Variants in KIAA0930 observed in about 807,000 individuals in gnomAD.
The protein encoded by KIAA0930 is uncharacterized protein KIAA0930.
KIAA0930 carries 24 observed loss-of-function variants against 43.9 expected under a neutral mutation model. That is an observed-to-expected ratio of 0.55 (90% CI 0.40 to 0.77). The LOEUF (loss-of-function observed/expected upper bound fraction) is 0.77, where lower values mean the gene tolerates loss of function less well. Ranked by LOEUF, KIAA0930 falls within the 30% of genes least tolerant of loss-of-function variation. The pLI is 0.00. For missense variants in KIAA0930, 461 were observed against 574.2 expected, an observed-to-expected ratio of 0.80 and a Z score of 2.02; for synonymous variants, 259 against 216.4, an observed-to-expected ratio of 1.20 and a Z score of -1.73.
intron 1 of KIAA0930, chr22:45,212,480 G>C (rs76360173): frequency 0.085 from 121,850 of 1,437,192 alleles, 5,464 homozygotes; most frequent in Middle Eastern, 0.096. Flanking sequence ...GGCTTGGCTG[G>C]GGGGGAGCCT....
intron 1 of KIAA0930, among the ~76,000 whole-genome samples, chr22:45,222,528 C>G (rs972097071): frequency 1.3e-5 from 2 of 152,032 alleles, no homozygotes; most frequent in Non-Finnish European, 2.9e-5. Context: ...CAGCTGGTCT[C>G]AAACTCCTGA....
intron 1 of KIAA0930, among the ~76,000 whole-genome samples, chr22:45,220,607 G>A (rs1418267694): frequency 6.6e-6 from 1 of 152,030 alleles, no homozygotes; most frequent in Non-Finnish European, 1.5e-5. Flanking sequence ...GTTGGGACAG[G>A]GTCTATCTAT....
intron 1 of KIAA0930, 99 bp downstream of exon 1, chr22:45,240,541 G>T: frequency 1.2e-6 from 1 of 810,908 alleles, no homozygotes; most frequent in Non-Finnish European, 1.9e-6. Flanking sequence ...CCCGCGCAGA[G>T]ACAGAGATGC....
chr22:45,197,304 GC>G (rs1448225005), intron 9 of KIAA0930, 88 bp from the exon 10 acceptor site: 5 of 1,166,502 alleles, frequency 4.3e-6, no homozygotes. Flanking sequence ...TCTGAAGGAA[GC>G]CCGCCTCAGC....
rs1384764695 is a variant in KIAA0930 at position 45,193,686 on chromosome 22, T to TG, written c.*3489dup. The TG allele has an allele frequency of 6.6e-6, 1 of 152,212 alleles. No individual in the cohort carries two copies. Among genetic ancestry groups the TG allele is most frequent in the Non-Finnish European group, 1.5e-5 (1 of 68,046 alleles). The allele number at this position is 152,212 out of a possible 1,614,324, so 9.4% of individuals were successfully genotyped here. A position where few individuals can be genotyped will look rare whatever the true frequency, so the allele number is the denominator to read the frequency against. The stretch of plus-strand genomic sequence containing the variant: ...AAGCTGACTTGGCTATAGAGTATCT[T>TG]GCGTCCTTTTGTTCTCTTCTGACTA... On this transcript the variant is annotated 3_prime_UTR_variant, in exon 10 of 10. Transcript: ENST00000336156.
intron 8 of KIAA0930, 34 bp downstream of exon 8, chr22:45,199,839 C>CGCGGGG: frequency 6.6e-7 from 1 of 1,507,006 alleles, no homozygotes; most frequent in South Asian, 1.3e-5. Context: ...GACTGAAGGG[C>CGCGGGG]ACGGGGACCC....
At chr22:45,232,776 G>A (rs1384301154) in intron 1 of KIAA0930, among the ~76,000 whole-genome samples, 1 of 152,134 alleles carries the variant, frequency 6.6e-6, no homozygotes, top group Admixed American at 6.5e-5. Context: ...GGGCTGGGTG[G>A]GGACCGGCTC....
At chr22:45,198,423 C>G (rs924652782) in intron 8 of KIAA0930, among the ~76,000 whole-genome samples, 1 of 152,180 alleles carries the variant, frequency 6.6e-6, no homozygotes, top group African/African-American at 2.4e-5. Flanking sequence ...CTTACTGATT[C>G]GGGAACGGGC....
At chr22:45,228,461 C>A (rs2083816692) in intron 1 of KIAA0930, among the ~76,000 whole-genome samples, 1 of 152,172 alleles carries the variant, frequency 6.6e-6, no homozygotes, top group Non-Finnish European at 1.5e-5. Flanking sequence ...AGGTCTGACC[C>A]TCGCTCCTTC....
intron 1 of KIAA0930, among the ~76,000 whole-genome samples, chr22:45,217,218 G>A (rs1048971552): frequency 2.6e-5 from 4 of 151,826 alleles, no homozygotes; most frequent in African/African-American, 7.3e-5. Flanking sequence ...AAAATTAGCC[G>A]GGCATGGTGG....
At chr22:45,209,532 C>A (rs543787019) in intron 2 of KIAA0930, among the ~76,000 whole-genome samples, 1 of 152,194 alleles carries the variant, frequency 6.6e-6, no homozygotes, top group Admixed American at 6.5e-5. Flanking sequence ...GGTCCCTCCA[C>A]GGGGCGTGTC....
chr22:45,213,234 A>G, intron 1 of KIAA0930: 1 of 1,095,202 alleles, frequency 9.1e-7, no homozygotes, highest in Non-Finnish European at 1.2e-6. Flanking sequence ...AAGAACCAGG[A>G]CTCACAGCCA....
chr22:45,233,126 G>A (rs2083864549), intron 1 of KIAA0930, among the ~76,000 whole-genome samples: 1 of 152,118 alleles, frequency 6.6e-6, no homozygotes, highest in Admixed American at 6.5e-5. Context: ...GGGGGCAGGG[G>A]TGGTAAACAG....
At chr22:45,240,532 C>T (rs1046978188) in intron 1 of KIAA0930, 108 bp downstream of exon 1, 66 of 735,346 alleles carry the variant, frequency 9.0e-5, no homozygotes, top group Middle Eastern at 7.8e-4. Flanking sequence ...ACCACGACAC[C>T]CGCGCAGAGA....
At chr22:45,235,172 T>C in intron 1 of KIAA0930, 1 of 152,300 alleles carries the variant, frequency 6.6e-6, no homozygotes, top group Non-Finnish European at 1.5e-5. Flanking sequence ...CCATGGAAGT[T>C]CCTCTGCAGA....
At chr22:45,217,875 C>T (rs190126625) in intron 1 of KIAA0930, among the ~76,000 whole-genome samples, 35 of 152,328 alleles carry the variant, frequency 2.3e-4, no homozygotes, top group Non-Finnish European at 4.1e-4. Flanking sequence ...TGACCTGCTT[C>T]TGTAAGTCAC....
At chr22:45,237,218 A>T (rs981714637) in intron 1 of KIAA0930, among the ~76,000 whole-genome samples, 3 of 152,240 alleles carry the variant, frequency 2.0e-5, no homozygotes, top group Admixed American at 2.0e-4. Context: ...CTGTGGATGC[A>T]ACACCAAAAT....
Position 45,198,131 on chromosome 22 carries a change from C to A in KIAA0930, c.1016-183G>T. 5.0e-6 allele frequency: 3 copies of A among 599,466 alleles called. No individual in the cohort carries two copies. The South Asian group carries it at 6.2e-5, about 12-fold the overall frequency. The allele number at this position is 599,466 out of a possible 1,614,324, so 37.1% of individuals were successfully genotyped here. A position where few individuals can be genotyped will look rare whatever the true frequency, so the allele number is the denominator to read the frequency against. ...TGCCTCCTCGCCTGTAACACCCCTC[C>A]CTGCTTCCTCTGGCCCAGACCCAGG... On this transcript the variant is annotated intron_variant, in intron 8 of 9. Transcript: ENST00000336156.
chr22:45,203,695 C>A (rs918291190), intron 6 of KIAA0930, 150 bp downstream of exon 6: 4 of 813,314 alleles, frequency 4.9e-6, no homozygotes, highest in Non-Finnish European at 7.6e-6. Flanking sequence ...CAGGGAGCGC[C>A]TAGAAGGAGC....
Sources: allele counts gnomAD v4.1 joint callset (sites outside exome capture counted in the v4.1 genomes callset), GRCh38; gene constraint gnomAD v4.1.1; transcripts MANE v1.5; gene names NCBI Gene and HGNC (gene_info 2026-07-23, HGNC 2026-07-21).